The following PDIA5 variants were observed in gnomAD, a reference collection of about 807,000 sequenced individuals.
PDIA5 encodes the protein protein disulfide isomerase family A member 5.
A neutral mutation model predicts 77.6 loss-of-function variants in PDIA5; 58 were observed. The ratio of observed to expected loss-of-function variants is 0.75; its 90% CI spans 0.61 to 0.93. The LOEUF is 0.93. Ranked by LOEUF, PDIA5 falls within the 40% of genes least tolerant of loss-of-function variation. The probability of loss-of-function intolerance (pLI) is 0.00; values close to 1 mark genes in which losing one functional copy is unlikely to be tolerated. For synonymous variants in PDIA5, 250 were observed against 252.1 expected, an observed-to-expected ratio of 0.99 and a Z score of 0.08; for missense variants, 630 against 647.7, an observed-to-expected ratio of 0.97 and a Z score of 0.30.
intron 10 of PDIA5, among the ~76,000 whole-genome samples, chr3:123,128,043 C>A (rs1935283946): frequency 6.6e-6 from 1 of 152,186 alleles, no homozygotes; most frequent in Non-Finnish European, 1.5e-5. Flanking sequence ...CCAGTACATC[C>A]TCTTACCACG....
intron 3 of PDIA5, among the ~76,000 whole-genome samples, chr3:123,096,898 C>T (rs1407266188): frequency 1.3e-5 from 2 of 152,228 alleles, no homozygotes; most frequent in East Asian, 3.9e-4. Flanking sequence ...GGAAGCTGAG[C>T]TGGAGCCAGC....
chr3:123,116,080 T>C lies in PDIA5; in HGVS notation c.542-151T>C, dbSNP rs1016255892. ...GGCTGAGACGCCCACCTCCTGTTCCTTTTGTGTCCCCAGGGTCTGGAATAG... is the reference window on the plus strand; with the variant it reads ...GGCTGAGACGCCCACCTCCTGTTCCCTTTGTGTCCCCAGGGTCTGGAATAG... On this transcript the variant is annotated intron_variant, in intron 7 of 16. Transcript: ENST00000316218. 1.0e-5 allele frequency: 7 copies of C among 691,332 alleles called. No homozygotes were observed. The Admixed American group carries it at 1.3e-4, about 13-fold the overall frequency. 42.8% of individuals were successfully genotyped at this position (691,332 alleles called of 1,614,324 possible).
chr3:123,092,259 A>C, intron 2 of PDIA5, 96 bp from the exon 3 acceptor site: 1 of 942,484 alleles, frequency 1.1e-6, no homozygotes, highest in Non-Finnish European at 1.7e-6. Context: ...CCCCTCTAGG[A>C]TTGGTCTCCA....
At chr3:123,093,025 C>T (rs1217947353) in intron 3 of PDIA5, among the ~76,000 whole-genome samples, 1 of 152,200 alleles carries the variant, frequency 6.6e-6, no homozygotes, top group African/African-American at 2.4e-5. Flanking sequence ...TACTACCCTG[C>T]AGGTTAAGCG....
intron 1 of PDIA5, among the ~76,000 whole-genome samples, chr3:123,084,154 C>A (rs1026863839): frequency 5.3e-5 from 8 of 152,128 alleles, no homozygotes; most frequent in Non-Finnish European, 1.0e-4. Flanking sequence ...TCCTGCTTCT[C>A]CTGTGCCCAC....
rs760892594 is a variant in PDIA5 at position 123,110,987 on chromosome 3, T to A, written c.524T>A (p.Ile175Asn). ...AAGAAGGAAGAGAAGCCGCTCCTGA[T>A]CATGTTTTATGCCCCCTGTGAGTGA... ...LLKKEEKPLL[I>N]MFYAPWCSMC... The change falls in exon 7 of 17, where the codon ATC becomes AAC. Residue 175 changes from isoleucine to asparagine, a missense_variant. Transcript: ENST00000316218. The A allele has an allele frequency of 1.2e-6, 2 of 1,613,390 alleles. No homozygotes were observed. The highest frequency in any genetic ancestry group is 2.7e-5 in the African/African-American group (2 of 74,780).
intron 12 of PDIA5, 112 bp from the exon 13 acceptor site, chr3:123,145,987 G>C: frequency 8.9e-6 from 9 of 1,006,844 alleles, no homozygotes; most frequent in East Asian, 2.4e-5. Context: ...AGCCACCCCA[G>C]TTAAATTCCA....
intron 1 of PDIA5, among the ~76,000 whole-genome samples, chr3:123,080,224 A>T (rs1256943714): frequency 6.6e-6 from 1 of 152,022 alleles, no homozygotes; most frequent in Admixed American, 6.6e-5. Flanking sequence ...AGGACATGGG[A>T]CTTCTACATA....
intron 1 of PDIA5, among the ~76,000 whole-genome samples, chr3:123,079,516 A>C (rs1241196047): frequency 6.6e-6 from 1 of 152,210 alleles, no homozygotes; most frequent in Non-Finnish European, 1.5e-5. Context: ...CATTTAAATA[A>C]AATACCATCT....
At chr3:123,120,793 T>C (rs1234191907) in intron 8 of PDIA5, among the ~76,000 whole-genome samples, 1 of 152,040 alleles carries the variant, frequency 6.6e-6, no homozygotes, top group East Asian at 1.9e-4. Flanking sequence ...CCAGGCTCTT[T>C]CCCCACCCCC....
At chr3:123,093,230 T>A (rs1474744075) in intron 3 of PDIA5, among the ~76,000 whole-genome samples, 2 of 151,770 alleles carry the variant, frequency 1.3e-5, no homozygotes, top group Non-Finnish European at 2.9e-5. Context: ...GGATAATAAG[T>A]CTTAGCCAAG....
chr3:123,078,615 G>A (rs961796710), intron 1 of PDIA5, among the ~76,000 whole-genome samples: 1 of 152,034 alleles, frequency 6.6e-6, no homozygotes, highest in African/African-American at 2.4e-5. Context: ...AAATACTTCA[G>A]TATTTCCTAA....
Position 123,161,887 on chromosome 3 carries a change from G to A in PDIA5, c.1487G>A (p.Gly496Glu). 1 of 1,586,090 alleles carries A rather than the reference G, an allele frequency of 6.3e-7. No homozygotes were observed. Among genetic ancestry groups the A allele is most frequent in the East Asian group, 2.2e-5 (1 of 44,766 alleles). The change falls in exon 17 of 17, where the codon GGA becomes GAA. Residue 496 changes from glycine to glutamate, a missense_variant. Gly to Glu is a moderately conservative substitution (Grantham distance 98, BLOSUM62 -2). Coordinates refer to ENST00000316218, the MANE Select transcript of PDIA5 (RefSeq NM_006810.4). ...EKYDSDRTEL[G>E]FTNYIRALRE... ...TCTCCCACTTCCCTGCAGGAATTGG[G>A]ATTTACCAATTATATTCGAGCCCTC...
intron 2 of PDIA5, among the ~76,000 whole-genome samples, chr3:123,090,127 T>C (rs1934245738): frequency 6.6e-6 from 1 of 152,130 alleles, no homozygotes; most frequent in Admixed American, 6.6e-5. Context: ...TGATAGAGGC[T>C]CCAGACGTGC....
At chr3:123,146,492 G>A (rs1031494987) in intron 13 of PDIA5, among the ~76,000 whole-genome samples, 10 of 152,184 alleles carry the variant, frequency 6.6e-5, no homozygotes, top group East Asian at 1.9e-4. Context: ...GCACTAAACC[G>A]TGTGTTGCTT....
chr3:123,154,988 A>G lies in PDIA5; in HGVS notation c.1291A>G (p.Lys431Glu). 1 of 1,611,796 alleles carries G rather than the reference A, an allele frequency of 6.2e-7. No individual in the cohort carries two copies. Among genetic ancestry groups the G allele is most frequent in the Non-Finnish European group, 8.5e-7 (1 of 1,177,888 alleles). The change falls in exon 15 of 17, where the codon AAG becomes GAG. Residue 431 changes from lysine to glutamate, a missense_variant. By Grantham distance (56) the Lys-to-Glu change is moderately conservative. Transcript: ENST00000316218. ...TCACACAGGGTGCCCACACTGTAAG[A>G]AGGTCATTCCGCACTTTACTGCTAC... Reference protein sequence around the residue: ...FYAPWCPHCKKVIPHFTATAD... With the variant: ...FYAPWCPHCKEVIPHFTATAD...
chr3:123,067,494 C>T (rs1933601519), intron 1 of PDIA5: 3 of 369,994 alleles, frequency 8.1e-6, no homozygotes, highest in Non-Finnish European at 9.6e-6. Flanking sequence ...TGCGGGGATG[C>T]AGGTCGGGGC....
chr3:123,067,962 A>G (rs1332151374), intron 1 of PDIA5, among the ~76,000 whole-genome samples: 1 of 152,140 alleles, frequency 6.6e-6, no homozygotes, highest in Non-Finnish European at 1.5e-5. Flanking sequence ...AAAAGTGGAA[A>G]AGGAGTGGAC....
At chr3:123,073,280 T>C (rs1933771562) in intron 1 of PDIA5, among the ~76,000 whole-genome samples, 1 of 152,180 alleles carries the variant, frequency 6.6e-6, no homozygotes, top group Non-Finnish European at 1.5e-5. Context: ...AACATGTCCT[T>C]AGACGAGGTT....
Sources: gnomAD v4.1 joint callset for allele counts (sites outside exome capture counted in the v4.1 genomes callset) on GRCh38, gnomAD v4.1.1 for gene constraint, MANE v1.5 for transcripts, NCBI Gene and HGNC (gene_info 2026-07-23, HGNC 2026-07-21) for gene names.